Variants in KIF13B observed in about 807,000 individuals in gnomAD.
The protein encoded by KIF13B is kinesin family member 13B.
A neutral mutation model predicts 222.0 loss-of-function variants in KIF13B; 127 were observed. That is an observed-to-expected ratio of 0.57 (90% CI 0.50 to 0.66). KIF13B has a LOEUF of 0.66. KIF13B is among the 30% of genes least tolerant of loss of function. The probability of loss-of-function intolerance (pLI) is 0.00; values close to 1 mark genes in which losing one functional copy is unlikely to be tolerated. For missense variants in KIF13B, 2,173 were observed against 2,379.0 expected (o/e 0.91, Z 1.80); for synonymous variants, 976 against 919.0 (o/e 1.06, Z -1.12).
At chr8:29,194,958 A>T (rs998039145) in intron 3 of KIF13B, among the ~76,000 whole-genome samples, 21 of 151,582 alleles carry the variant, frequency 1.4e-4, no homozygotes, top group South Asian at 2.1e-4. Context: ...CAATAAAAAT[A>T]AAAAAAAAGC....
At chr8:29,152,820 C>A (rs1427477138) in intron 14 of KIF13B, among the ~76,000 whole-genome samples, 5 of 152,100 alleles carry the variant, frequency 3.3e-5, no homozygotes, top group Admixed American at 3.3e-4. Flanking sequence ...TCAAGTAATC[C>A]GCCCACCTCA....
intron 2 of KIF13B, among the ~76,000 whole-genome samples, chr8:29,213,597 C>A (rs921959782): frequency 3.3e-5 from 5 of 152,140 alleles, no homozygotes; most frequent in African/African-American, 9.7e-5. Flanking sequence ...AGACTACAAA[C>A]CTGTATGGCA....
At chr8:29,244,142 T>C (rs912736368) in intron 2 of KIF13B, among the ~76,000 whole-genome samples, 20 of 152,084 alleles carry the variant, frequency 1.3e-4, no homozygotes, top group African/African-American at 4.3e-4. Context: ...GCCTCCCAAG[T>C]AGCTGGGACT....
intron 14 of KIF13B, among the ~76,000 whole-genome samples, chr8:29,153,082 T>G (rs986287763): frequency 6.6e-6 from 1 of 152,142 alleles, no homozygotes; most frequent in Admixed American, 6.5e-5. Context: ...TTATCCCCCA[T>G]TTTTCAAAGT....
chr8:29,246,178 G>C lies in KIF13B; in HGVS notation c.56-739C>G, dbSNP rs560856927. The stretch of plus-strand genomic sequence containing the variant: ...GTGGATTACTTGAGGTCAGGAGTTC[G>C]AGACCAGCCTGGCCAACATGAAACC... On this transcript the variant is annotated intron_variant, in intron 1 of 39. Transcript: ENST00000524189. Among the ~76,000 whole-genome samples, 229 of 152,140 alleles carry C rather than the reference G, an allele frequency of 1.5e-3. 1 individual carries two copies. The highest frequency in any genetic ancestry group is 5.4e-3 in the African/African-American group (223 of 41,490).
At chr8:29,151,532 G>C (rs1811297171) in intron 14 of KIF13B, among the ~76,000 whole-genome samples, 2 of 152,214 alleles carry the variant, frequency 1.3e-5, no homozygotes, top group Admixed American at 1.3e-4. Context: ...TTAAGTTGAT[G>C]CCAATGCTTA....
intron 1 of KIF13B, among the ~76,000 whole-genome samples, chr8:29,261,668 C>T (rs1334608707): frequency 2.0e-5 from 3 of 151,992 alleles, no homozygotes; most frequent in African/African-American, 7.3e-5. Flanking sequence ...TGTCAGAGCA[C>T]GAGATTAGTG....
chr8:29,242,431 C>G (rs1044118972), intron 2 of KIF13B, among the ~76,000 whole-genome samples: 7 of 152,058 alleles, frequency 4.6e-5, no homozygotes, highest in Admixed American at 4.6e-4. Flanking sequence ...AAAATAAGGC[C>G]TAAAGATTTA....
intron 4 of KIF13B, 91 bp downstream of exon 4, chr8:29,190,906 T>G: frequency 1.1e-6 from 1 of 933,146 alleles, no homozygotes; most frequent in Non-Finnish European, 1.8e-6. Context: ...ACACACAGTT[T>G]GGGGGGTTTG....
intron 24 of KIF13B, among the ~76,000 whole-genome samples, chr8:29,129,298 CGAA>C (rs1810246328): frequency 6.6e-6 from 1 of 152,112 alleles, no homozygotes; most frequent in African/African-American, 2.4e-5. Context: ...TCTAAGACTT[CGAA>C]GAAGATACAT....
At chr8:29,144,811 C>CA (rs941785233) in intron 18 of KIF13B, among the ~76,000 whole-genome samples, 2 of 152,038 alleles carry the variant, frequency 1.3e-5, no homozygotes, top group African/African-American at 4.8e-5. Flanking sequence ...TTTCAAATAC[C>CA]AAAAAATAGT....
rs769742692 is a variant in KIF13B, at chr8:29,147,534, G to A, written c.1882C>T (p.Arg628Cys). The stretch of plus-strand genomic sequence containing the variant: ...TCGTGCTCATACATAAGCCTCTGGC[G>A]CTCCAGTGCAGATCGTTTTTCTTCT... ...HEEEKRSALE[R>C]QRLMYEHELE... Residue 628 changes from arginine (R) to cysteine (C), a missense_variant, in exon 17 of 40, where the codon CGC (arginine) becomes TGC (cysteine). Arg to Cys is a radical substitution (Grantham distance 180). Around this residue, in one of 2 missense-constraint regions of KIF13B, gnomAD observed 1,480 missense variants for 1,722.8 expected, o/e 0.86. Coordinates refer to ENST00000524189, the MANE Select transcript of KIF13B (RefSeq NM_015254.4). The A allele has an allele frequency of 9.9e-6, 16 of 1,613,520 alleles. No homozygotes were observed. The highest frequency in any genetic ancestry group is 5.3e-5 in the African/African-American group (4 of 74,916).
chr8:29,198,388 C>A (rs183463002), intron 2 of KIF13B, among the ~76,000 whole-genome samples: 54 of 152,138 alleles, frequency 3.5e-4, no homozygotes, highest in Admixed American at 2.5e-3. Flanking sequence ...GTGGCGTGAT[C>A]TTGGCTCACT....
chr8:29,175,354 CA>C (rs1041537957), intron 10 of KIF13B, among the ~76,000 whole-genome samples: 2 of 152,210 alleles, frequency 1.3e-5, no homozygotes, highest in African/African-American at 4.8e-5. Flanking sequence ...GGATCTATCA[CA>C]AACTCATGTT....
chr8:29,184,529 A>G (rs1443452266), intron 6 of KIF13B, among the ~76,000 whole-genome samples: 1 of 152,180 alleles, frequency 6.6e-6, no homozygotes, highest in Non-Finnish European at 1.5e-5. Flanking sequence ...AAAGCTTAAG[A>G]AACTTGTTCA....
intron 29 of KIF13B, among the ~76,000 whole-genome samples, chr8:29,120,111 G>A (rs76555064): frequency 0.03 from 4,503 of 149,628 alleles, 239 homozygotes; most frequent in African/African-American, 0.11. Context: ...TATGTAAAAC[G>A]TATCCAGGCC....
intron 32 of KIF13B, among the ~76,000 whole-genome samples, chr8:29,111,939 G>A (rs1019856302): frequency 6.6e-6 from 1 of 152,170 alleles, no homozygotes; most frequent in African/African-American, 2.4e-5. Flanking sequence ...GCCCAAGACC[G>A]TGCAACGACT....
Position 29,196,219 on chromosome 8 carries a change from GT to G in KIF13B, c.150-21del, listed in dbSNP as rs1217671647. Reference sequence around the variant, plus strand: ...TGGCCCCTGAGCTCCCAAAACAGATGTCATCATTGACGTGAAAGAAAAGTTA... The same window carrying G: ...TGGCCCCTGAGCTCCCAAAACAGATGCATCATTGACGTGAAAGAAAAGTTA... On this transcript the variant is annotated intron_variant, in intron 2 of 39. Coordinates refer to ENST00000524189, the MANE Select transcript of KIF13B (RefSeq NM_015254.4). The G allele has an allele frequency of 3.2e-6, 5 of 1,540,390 alleles. No homozygotes were observed. The highest frequency in any genetic ancestry group is 4.4e-6 in the Non-Finnish European group (5 of 1,142,588).
intron 8 of KIF13B, 57 bp from the exon 9 acceptor site, chr8:29,177,635 C>T (rs1812536366): frequency 8.7e-7 from 1 of 1,143,680 alleles, no homozygotes; most frequent in East Asian, 2.3e-5. Flanking sequence ...GGTGTGGTGG[C>T]TCATGCCAGT....
Sources: gnomAD v4.1 joint callset for allele counts (sites outside exome capture counted in the v4.1 genomes callset) on GRCh38, gnomAD v4.1.1 for gene constraint, gnomAD v4.1.1 regional missense constraint, MANE v1.5 for transcripts, NCBI Gene and HGNC (gene_info 2026-07-23, HGNC 2026-07-21) for gene names.